IMMP2L: variants seen among roughly 807,000 people sequenced by gnomAD.
The protein encoded by IMMP2L is mitochondrial inner membrane protease subunit 2.
Under a neutral mutation model 19.3 loss-of-function variants are expected in IMMP2L, and 18 were observed. The ratio of observed to expected loss-of-function variants is 0.93; its 90% CI spans 0.64 to 1.38. IMMP2L has a LOEUF of 1.38. Ranked by LOEUF, IMMP2L falls within the 40% of genes most tolerant of loss-of-function variation. The pLI, the probability that IMMP2L is intolerant of heterozygous loss-of-function variation, is 0.00. For missense variants in IMMP2L, 233 were observed against 218.2 expected, an observed-to-expected ratio of 1.07 and a Z score of -0.43; for synonymous variants, 76 against 73.0, an observed-to-expected ratio of 1.04 and a Z score of -0.21.
chr7:111,356,539 A>C (rs1184229280), intron 3 of IMMP2L, among the ~76,000 whole-genome samples: 1 of 152,152 alleles, frequency 6.6e-6, no homozygotes, highest in Non-Finnish European at 1.5e-5. Context: ...ACAGATACAG[A>C]GGAATGACTG....
At chr7:110,782,190 G>C (rs1269078126) in intron 5 of IMMP2L, among the ~76,000 whole-genome samples, 1 of 151,834 alleles carries the variant, frequency 6.6e-6, no homozygotes, top group African/African-American at 2.4e-5. Flanking sequence ...GAGAGATTCT[G>C]AGATATCCAC....
chr7:110,741,799 TA>T (rs1401171689), intron 5 of IMMP2L, among the ~76,000 whole-genome samples: 3 of 152,132 alleles, frequency 2.0e-5, no homozygotes, highest in African/African-American at 7.2e-5. Context: ...AAGAATAAAA[TA>T]AAAATTAAAC....
intron 3 of IMMP2L, among the ~76,000 whole-genome samples, chr7:111,080,017 C>CA (rs533466679): frequency 0.071 from 3,928 of 55,560 alleles, 90 homozygotes; most frequent in South Asian, 0.21. Flanking sequence ...TCCAGAACTA[C>CA]AAAAAAAAAA....
chr7:111,257,385 A>G (rs1367564755), intron 3 of IMMP2L, among the ~76,000 whole-genome samples: 1 of 152,184 alleles, frequency 6.6e-6, no homozygotes, highest in Non-Finnish European at 1.5e-5. Context: ...CTTTCAATGC[A>G]TCTCATTAAA....
At chr7:111,214,328 CTTCTTTTTTTTT>C (rs1269309649) in intron 3 of IMMP2L, among the ~76,000 whole-genome samples, 2 of 85,122 alleles carry the variant, frequency 2.3e-5, no homozygotes, top group East Asian at 3.6e-4. Context: ...AGTAATTTTT[CTTCTTTTTTTTT>C]TTTTTTTTTT....
At chr7:111,196,176 T>G (rs1809480911) in intron 3 of IMMP2L, among the ~76,000 whole-genome samples, 1 of 152,114 alleles carries the variant, frequency 6.6e-6, no homozygotes, top group Non-Finnish European at 1.5e-5. Flanking sequence ...ACCCATAAAT[T>G]TAATTTTTAA....
At chr7:110,947,292 T>G (rs1310029152) in intron 4 of IMMP2L, among the ~76,000 whole-genome samples, 1 of 152,182 alleles carries the variant, frequency 6.6e-6, no homozygotes, top group Non-Finnish European at 1.5e-5. Flanking sequence ...GTTAAGGATG[T>G]TGCAGGTTTT....
At chr7:111,072,901 C>CAAAAAA (rs34223033) in intron 3 of IMMP2L, among the ~76,000 whole-genome samples, 1 of 72,914 alleles carries the variant, frequency 1.4e-5, no homozygotes, top group South Asian at 4.3e-4. Flanking sequence ...AGACTGTCTC[C>CAAAAAA]AAAAAAAAAA....
intron 1 of IMMP2L, among the ~76,000 whole-genome samples, chr7:111,560,285 A>C (rs1205568962): frequency 6.6e-6 from 1 of 152,136 alleles, no homozygotes; most frequent in Non-Finnish European, 1.5e-5. Flanking sequence ...ACAAAGAACT[A>C]TTCTAGCTTA....
chr7:110,860,681 A>G (rs1807304706), intron 5 of IMMP2L, among the ~76,000 whole-genome samples: 1 of 152,136 alleles, frequency 6.6e-6, no homozygotes, highest in South Asian at 2.1e-4. Context: ...CTATACTGAC[A>G]GTTCACAAAT....
chr7:111,314,244 C>G (rs1365295470), intron 3 of IMMP2L, among the ~76,000 whole-genome samples: 3 of 151,816 alleles, frequency 2.0e-5, no homozygotes. Flanking sequence ...CTAAAGAATA[C>G]AAGAAAAAAT....
At chr7:111,507,392 C>T (rs1845024338) in intron 2 of IMMP2L, among the ~76,000 whole-genome samples, 1 of 152,102 alleles carries the variant, frequency 6.6e-6, no homozygotes, top group Non-Finnish European at 1.5e-5. Context: ...ATCTCCTTAG[C>T]CAAATCTATA....
intron 3 of IMMP2L, among the ~76,000 whole-genome samples, chr7:111,159,278 G>C (rs1804992794): frequency 6.6e-6 from 1 of 152,026 alleles, no homozygotes; most frequent in African/African-American, 2.4e-5. Flanking sequence ...ACCACGCCCA[G>C]CTAATTTTTG....
intron 3 of IMMP2L, among the ~76,000 whole-genome samples, chr7:111,434,170 A>G (rs1836902060): frequency 1.3e-5 from 2 of 151,788 alleles, no homozygotes; most frequent in African/African-American, 4.9e-5. Context: ...CAACAAAGTC[A>G]ACAAAAATAT....
chr7:111,010,831 GA>G (rs1337340977), intron 3 of IMMP2L, among the ~76,000 whole-genome samples: 1 of 151,924 alleles, frequency 6.6e-6, no homozygotes, highest in African/African-American at 2.4e-5. Flanking sequence ...TTTGGCCGGA[GA>G]AAGGACATTC....
At position 110,880,005 on chromosome 7, in the gene IMMP2L, G is replaced by T. The variant is rs902466473; in HGVS notation, c.408+6588C>A. ...TATCTGTTGGAGCAGAATTCTTTAG[G>T]AGTCATATTACAAAAATAACTTCTA... On this transcript the variant is annotated intron_variant, in intron 5 of 5. Transcript: ENST00000405709. 1.3e-5 allele frequency among the ~76,000 whole-genome samples: 2 copies of T among 152,020 alleles called. 1 individual carries two copies. The highest frequency in any genetic ancestry group is 1.3e-4 in the Admixed American group (2 of 15,242).
intron 3 of IMMP2L, among the ~76,000 whole-genome samples, chr7:111,194,463 TAA>T (rs1809254782): frequency 6.6e-6 from 1 of 152,108 alleles, no homozygotes; most frequent in South Asian, 2.1e-4. Flanking sequence ...CACCTGTTTA[TAA>T]CATTTGTAAT....
At chr7:111,221,231 A>G (rs1812477143) in intron 3 of IMMP2L, among the ~76,000 whole-genome samples, 1 of 152,032 alleles carries the variant, frequency 6.6e-6, no homozygotes, top group Non-Finnish European at 1.5e-5. Context: ...TACCATTAAC[A>G]TAAAAACAAA....
At chr7:111,274,983 C>A (rs1164475389) in intron 3 of IMMP2L, among the ~76,000 whole-genome samples, 1 of 152,174 alleles carries the variant, frequency 6.6e-6, no homozygotes, top group Non-Finnish European at 1.5e-5. Context: ...GATCCCAAAG[C>A]AGTAGCACCA....
Sources: allele counts gnomAD v4.1 joint callset (sites outside exome capture counted in the v4.1 genomes callset), GRCh38; gene constraint gnomAD v4.1.1; transcripts MANE v1.5; gene names NCBI Gene and HGNC (gene_info 2026-07-23, HGNC 2026-07-21).